The following CUX2 variants were observed in gnomAD, a reference collection of about 807,000 sequenced individuals.
CUX2 encodes the protein homeobox protein cut-like 2.
In CUX2, 40 loss-of-function variants were observed where a neutral mutation model predicts 144.8. The ratio of observed to expected loss-of-function variants is 0.28; its 90% CI spans 0.21 to 0.36. The LOEUF (loss-of-function observed/expected upper bound fraction) is 0.36, where lower values mean the gene tolerates loss of function less well. CUX2 is among the 10% of genes least tolerant of loss of function. CUX2 has a pLI of 1.00. For synonymous variants in CUX2, 827 were observed against 875.6 expected, an observed-to-expected ratio of 0.94 and a Z score of 0.98; for missense variants, 1,615 against 1,994.0, an observed-to-expected ratio of 0.81 and a Z score of 3.62.
Position 111,160,930 on chromosome 12 carries a change from TG to T in CUX2, c.64-53267del, listed in dbSNP as rs1877719053. Among the ~76,000 whole-genome samples the T allele has an allele frequency of 6.6e-6, 1 of 152,178 alleles. No homozygotes were observed. Among genetic ancestry groups the T allele is most frequent in the African/African-American group, 2.4e-5 (1 of 41,444 alleles). On this transcript the variant is annotated intron_variant, in intron 1 of 21. Coordinates refer to ENST00000261726, the MANE Select transcript of CUX2 (RefSeq NM_015267.4). The surrounding 1 kb of genome is among the most constrained non-coding windows in gnomAD (Gnocchi z 4.1). ...TGCAGGGAGGAATAGCGGGAGCAGATGGGACGTGAGAGTGCAGAGTTCCCTT... is the reference window on the plus strand; with the variant it reads ...TGCAGGGAGGAATAGCGGGAGCAGATGGACGTGAGAGTGCAGAGTTCCCTT...
intron 3 of CUX2, among the ~76,000 whole-genome samples, chr12:111,247,573 G>T (rs1263159626): frequency 6.6e-6 from 1 of 152,174 alleles, no homozygotes; most frequent in African/African-American, 2.4e-5. Flanking sequence ...GAGTTCATGG[G>T]CCAGGTCAGG....
intron 1 of CUX2, among the ~76,000 whole-genome samples, chr12:111,210,291 C>G (rs1391775652): frequency 6.6e-6 from 1 of 152,128 alleles, no homozygotes; most frequent in Non-Finnish European, 1.5e-5. Flanking sequence ...GGCCCTCTTG[C>G]TTTGCTGATA....
At chr12:111,213,775 C>A (rs751574962) in intron 1 of CUX2, among the ~76,000 whole-genome samples, 1 of 152,196 alleles carries the variant, frequency 6.6e-6, no homozygotes, top group Non-Finnish European at 1.5e-5. Context: ...ACAGCACTTT[C>A]TTCCACTATA....
At chr12:111,344,820 T>C (rs947179598) in intron 21 of CUX2, among the ~76,000 whole-genome samples, 12 of 152,334 alleles carry the variant, frequency 7.9e-5, no homozygotes, top group Admixed American at 5.2e-4. Context: ...ACCATGCCAG[T>C]TCCTGTGCCC....
chr12:111,307,867 C>T lies in CUX2; in HGVS notation c.1110-418C>T, dbSNP rs907434270. ...GTGTGGTGGCGCTCACCTGTAGTCC[C>T]AGCTACTTGGGAGGCTGAGGCAGGA... is the stretch of plus-strand genomic sequence containing the variant. On this transcript the variant is annotated intron_variant, in intron 12 of 21. Coordinates refer to ENST00000261726, the MANE Select transcript of CUX2 (RefSeq NM_015267.4). The surrounding 1 kb of genome is among the most constrained non-coding windows in gnomAD (Gnocchi z 4.1). Among the ~76,000 whole-genome samples the T allele has an allele frequency of 2.0e-5, 3 of 152,152 alleles. No individual in the cohort carries two copies. The highest frequency in any genetic ancestry group is 7.2e-5 in the African/African-American group (3 of 41,430).
intron 1 of CUX2, among the ~76,000 whole-genome samples, chr12:111,130,902 A>G (rs1847895195): frequency 6.6e-6 from 1 of 152,242 alleles, no homozygotes; most frequent in Non-Finnish European, 1.5e-5. Flanking sequence ...GCCTATATCC[A>G]TAAATTTAGC....
intron 16 of CUX2, among the ~76,000 whole-genome samples, chr12:111,317,662 A>G (rs1887266021): frequency 6.6e-6 from 1 of 152,176 alleles, no homozygotes; most frequent in South Asian, 2.1e-4. Flanking sequence ...TCACTAAATC[A>G]TATAGTGTTT....
At chr12:111,152,135 T>A (rs1312702393) in intron 1 of CUX2, among the ~76,000 whole-genome samples, 2 of 151,896 alleles carry the variant, frequency 1.3e-5, no homozygotes, top group South Asian at 4.2e-4. Context: ...AATACAAAAA[T>A]TAGCTGGGCA....
chr12:111,342,149 G>A (rs1888606789), intron 21 of CUX2, 96 bp downstream of exon 21: 1 of 1,420,038 alleles, frequency 7.0e-7, no homozygotes, highest in Admixed American at 2.2e-5. Context: ...CATGGCCTCT[G>A]GGAGATGGAA....
At chr12:111,136,492 A>G (rs1875897908) in intron 1 of CUX2, among the ~76,000 whole-genome samples, 1 of 152,300 alleles carries the variant, frequency 6.6e-6, no homozygotes, top group African/African-American at 2.4e-5. Context: ...GCTGCATTTG[A>G]GCAGCCTCTG....
chr12:111,104,859 G>A (rs1873493315), intron 1 of CUX2, among the ~76,000 whole-genome samples: 1 of 152,180 alleles, frequency 6.6e-6, no homozygotes, highest in Non-Finnish European at 1.5e-5. Context: ...AGGACCACCT[G>A]GGCTCGCAGC....
intron 1 of CUX2, among the ~76,000 whole-genome samples, chr12:111,163,339 G>T (rs1052478902): frequency 6.6e-6 from 1 of 152,238 alleles, no homozygotes; most frequent in Non-Finnish European, 1.5e-5. Flanking sequence ...CGCATGGTCT[G>T]TGTTGCAATG....
At chr12:111,299,062 C>A (rs1437631633) in intron 9 of CUX2, among the ~76,000 whole-genome samples, 1 of 152,224 alleles carries the variant, frequency 6.6e-6, no homozygotes, top group Non-Finnish European at 1.5e-5. Context: ...GCAGCCACAG[C>A]CAGGGGGCTC....
intron 3 of CUX2, among the ~76,000 whole-genome samples, chr12:111,234,716 CTTTTTTTTTT>C (rs779196975): frequency 7.5e-6 from 1 of 132,950 alleles, no homozygotes; most frequent in East Asian, 2.2e-4. Flanking sequence ...CTTCCCCTTT[CTTTTTTTTTT>C]TTTTTTTTCT....
chr12:111,095,775 T>A (rs918764918), intron 1 of CUX2, among the ~76,000 whole-genome samples: 1 of 152,234 alleles, frequency 6.6e-6, no homozygotes, highest in Non-Finnish European at 1.5e-5. Flanking sequence ...ATCACTACTT[T>A]TTCTCTCCAT....
intron 3 of CUX2, among the ~76,000 whole-genome samples, chr12:111,261,487 T>C (rs1425958335): frequency 6.7e-6 from 1 of 149,056 alleles, no homozygotes; most frequent in Non-Finnish European, 1.5e-5. Context: ...AAAGATAGGG[T>C]CTCATTCTAT....
chr12:111,247,020 A>T (rs1592877896), intron 3 of CUX2, among the ~76,000 whole-genome samples: 1 of 152,204 alleles, frequency 6.6e-6, no homozygotes, highest in African/African-American at 2.4e-5. Context: ...TCTATTGAGT[A>T]TCTTCTGTTT....
intron 3 of CUX2, among the ~76,000 whole-genome samples, chr12:111,229,175 G>C (rs1455491972): frequency 1.3e-5 from 2 of 152,170 alleles, no homozygotes; most frequent in Non-Finnish European, 1.5e-5. Context: ...GGTGCCGAAT[G>C]CTGCCTCCAC....
chr12:111,111,211 A>C (rs1164888069), intron 1 of CUX2, among the ~76,000 whole-genome samples: 1 of 152,138 alleles, frequency 6.6e-6, no homozygotes, highest in African/African-American at 2.4e-5. Flanking sequence ...CTGAGGCAGG[A>C]GAATCGCTTG....
Sources: gnomAD v4.1 joint callset for allele counts (sites outside exome capture counted in the v4.1 genomes callset) on GRCh38, gnomAD v4.1.1 for gene constraint, Gnocchi (gnomAD v3.1) non-coding constraint, MANE v1.5 for transcripts, NCBI Gene and HGNC (gene_info 2026-07-23, HGNC 2026-07-21) for gene names.